The following PARN variants were observed in gnomAD, a reference collection of about 807,000 sequenced individuals.
PARN encodes poly(A)-specific ribonuclease PARN.
Under a neutral mutation model 102.8 loss-of-function variants are expected in PARN, and 71 were observed. The observed-to-expected ratio is 0.69, with a 90% CI of 0.57 to 0.84. The LOEUF (loss-of-function observed/expected upper bound fraction) is 0.84, where lower values mean the gene tolerates loss of function less well. PARN is among the 40% of genes least tolerant of loss of function. The pLI, the probability that PARN is intolerant of heterozygous loss-of-function variation, is 0.00. For synonymous variants in PARN, 261 were observed against 252.9 expected (o/e 1.03, Z -0.30); for missense variants, 782 against 760.9 (o/e 1.03, Z -0.33).
chr16:14,550,741 A>G (rs1967246102), intron 21 of PARN, among the ~76,000 whole-genome samples: 2 of 152,228 alleles, frequency 1.3e-5, no homozygotes, highest in Admixed American at 1.3e-4. Context: ...AAAGTAAAAA[A>G]CAAACACATC....
At chr16:14,555,600 C>A in intron 19 of PARN, 54 bp downstream of exon 19, 1 of 822,570 alleles carries the variant, frequency 1.2e-6, no homozygotes. Flanking sequence ...GTTATCCCTT[C>A]CAGACCACAC....
At chr16:14,548,585 A>C (rs1368477546) in intron 21 of PARN, among the ~76,000 whole-genome samples, 1 of 152,186 alleles carries the variant, frequency 6.6e-6, no homozygotes, top group Non-Finnish European at 1.5e-5. Context: ...CTATCTGTGA[A>C]AACAATATAA....
chr16:14,553,647 C>T (rs748079159), intron 20 of PARN, among the ~76,000 whole-genome samples: 5 of 152,180 alleles, frequency 3.3e-5, no homozygotes, highest in Non-Finnish European at 7.3e-5. Flanking sequence ...GACTGCCCTA[C>T]CTCATACACG....
chr16:14,516,693 C>A (rs913117546), intron 21 of PARN, among the ~76,000 whole-genome samples: 3 of 152,192 alleles, frequency 2.0e-5, no homozygotes, highest in Admixed American at 6.5e-5. Context: ...ACTCAGGGAG[C>A]ACTTTTCCCA....
chr16:14,534,836 T>G (rs1323553722), intron 21 of PARN, among the ~76,000 whole-genome samples: 1 of 150,848 alleles, frequency 6.6e-6, no homozygotes, highest in East Asian at 1.9e-4. Context: ...TTTCTAAATT[T>G]TTTTTTTTTT....
At chr16:14,544,171 G>A (rs911534347) in intron 21 of PARN, among the ~76,000 whole-genome samples, 10 of 152,098 alleles carry the variant, frequency 6.6e-5, no homozygotes, top group Non-Finnish European at 1.3e-4. Context: ...TAGCCTGGGT[G>A]ACAGAGCAAG....
At chr16:14,458,734 G>A (rs756620765) in intron 22 of PARN, among the ~76,000 whole-genome samples, 3 of 152,222 alleles carry the variant, frequency 2.0e-5, no homozygotes, top group Non-Finnish European at 4.4e-5. Flanking sequence ...GCCATGTCAG[G>A]AGGGAGCAAG....
intron 18 of PARN, among the ~76,000 whole-genome samples, chr16:14,577,856 CAG>C (rs1969242830): frequency 6.6e-6 from 1 of 151,012 alleles, no homozygotes; most frequent in Admixed American, 6.6e-5. Flanking sequence ...GTAGTAGAGA[CAG>C]GGTTTCGCCA....
At chr16:14,533,413 T>TGGGGAGACGGAG (rs1966462345) in intron 21 of PARN, among the ~76,000 whole-genome samples, 2 of 97,914 alleles carry the variant, frequency 2.0e-5, no homozygotes, top group East Asian at 7.0e-4. Context: ...AGGGAGACCG[T>TGGGGAGACGGAG]GGGGAGACGG....
chr16:14,608,103 A>G (rs931452399), intron 9 of PARN, 178 bp downstream of exon 9: 30 of 621,342 alleles, frequency 4.8e-5, no homozygotes, highest in Middle Eastern at 2.7e-4. Flanking sequence ...ATCTGTTAAA[A>G]AACAATAACA....
chr16:14,560,184 C>G (rs905427603), intron 18 of PARN, among the ~76,000 whole-genome samples: 1 of 152,142 alleles, frequency 6.6e-6, no homozygotes, highest in Non-Finnish European at 1.5e-5. Flanking sequence ...AGGAAATGCA[C>G]TAGGCAAGCA....
chr16:14,437,867 GGGA>G (rs1431030310), intron 23 of PARN, among the ~76,000 whole-genome samples: 4 of 152,194 alleles, frequency 2.6e-5, no homozygotes, highest in African/African-American at 9.7e-5. Flanking sequence ...ATCAGTAACA[GGGA>G]TGCTTAAAAA....
intron 18 of PARN, among the ~76,000 whole-genome samples, chr16:14,562,055 G>C (rs971828075): frequency 6.6e-6 from 1 of 152,236 alleles, no homozygotes; most frequent in Non-Finnish European, 1.5e-5. Flanking sequence ...GGGAGGCTGA[G>C]GCAGGAGAAT....
intron 17 of PARN, 33 bp from the exon 18 acceptor site, chr16:14,580,976 CAT>C: frequency 1.5e-6 from 2 of 1,316,626 alleles, no homozygotes; most frequent in Non-Finnish European, 2.2e-6. Flanking sequence ...TATTATTATT[CAT>C]AGTCACATAG....
chr16:14,485,977 C>T (rs114410910), intron 21 of PARN, among the ~76,000 whole-genome samples: 3,081 of 152,286 alleles, frequency 0.02, 119 homozygotes, highest in African/African-American at 0.071. Context: ...CGTGAGCCAC[C>T]GTGCCTGGCC....
At chr16:14,612,877 G>A (rs1032727341) in intron 6 of PARN, among the ~76,000 whole-genome samples, 12 of 152,004 alleles carry the variant, frequency 7.9e-5, no homozygotes, top group African/African-American at 2.2e-4. Flanking sequence ...GATTACAGGC[G>A]TGAGCCACCG....
At chr16:14,475,159 A>G (rs1962971692) in intron 22 of PARN, among the ~76,000 whole-genome samples, 1 of 152,268 alleles carries the variant, frequency 6.6e-6, no homozygotes, top group Non-Finnish European at 1.5e-5. Context: ...GAGATAAACC[A>G]AAGAGCAAGT....
chr16:14,610,542 G>A (rs1365754596), intron 7 of PARN, 102 bp downstream of exon 7: 14 of 677,482 alleles, frequency 2.1e-5, no homozygotes, highest in Non-Finnish European at 3.1e-5. Context: ...CATCACACCC[G>A]TGTGTGTACT....
At chr16:14,608,395 A>C in intron 8 of PARN, 76 bp from the exon 9 acceptor site, 1 of 951,728 alleles carries the variant, frequency 1.1e-6, no homozygotes, top group Non-Finnish European at 1.6e-6. Context: ...TTTGTTGAGA[A>C]GGATTTCGCT....
Sources: allele counts gnomAD v4.1 joint callset (sites outside exome capture counted in the v4.1 genomes callset), GRCh38; gene constraint gnomAD v4.1.1; transcripts MANE v1.5; gene names NCBI Gene and HGNC (gene_info 2026-07-23, HGNC 2026-07-21).